The following MBD2 variants were observed in gnomAD, a reference collection of about 807,000 sequenced individuals.
MBD2 encodes methyl-CpG binding domain protein 2, also known as methyl-CpG-binding domain protein 2.
In MBD2, 9 loss-of-function variants were observed where a neutral mutation model predicts 39.3. The ratio of observed to expected loss-of-function variants is 0.23; its 90% CI spans 0.14 to 0.40. The LOEUF (loss-of-function observed/expected upper bound fraction) is 0.40. Among genes scored for constraint, MBD2 ranks in the 10% least tolerant of loss-of-function variants. The pLI is 1.00. For missense variants in MBD2, 458 were observed against 532.6 expected, an observed-to-expected ratio of 0.86 and a Z score of 1.38; for synonymous variants, 233 against 211.1, an observed-to-expected ratio of 1.10 and a Z score of -0.90.
intron 1 of MBD2, among the ~76,000 whole-genome samples, chr18:54,216,483 G>C (rs1465033074): frequency 6.6e-6 from 1 of 152,198 alleles, no homozygotes; most frequent in Admixed American, 6.5e-5. Flanking sequence ...ATTCAAAAAT[G>C]AATCAGACAC....
In MBD2 at chr18:54,224,119, C is replaced by T. The variant is rs1382195452; in HGVS notation, c.441G>A (p.Gly147=). ...GGAGGGCCGGGCAATCCATCCTCTTCCCGCTCTCCGTGGCCCGGGGTCCCC... is the reference window on the plus strand; with the variant it reads ...GGAGGGCCGGGCAATCCATCCTCTTTCCGCTCTCCGTGGCCCGGGGTCCCC... The part of the protein sequence containing the change: ...GPRGPRATES[G]KRMDCPALPP... The change falls in exon 1 of 7, where the codon GGG becomes GGA. Residue 147 remains glycine (G), a synonymous_variant. Coordinates refer to ENST00000256429, the MANE Select transcript of MBD2 (RefSeq NM_003927.5). 26 of 1,567,246 alleles carry T rather than the reference C, an allele frequency of 1.7e-5. No individual in the cohort carries two copies. The highest frequency in any genetic ancestry group is 2.2e-5 in the Non-Finnish European group (26 of 1,162,178).
chr18:54,204,956 C>A (rs1166296116), intron 2 of MBD2, 42 bp downstream of exon 2: 1 of 1,573,996 alleles, frequency 6.4e-7, no homozygotes, highest in East Asian at 2.3e-5. Context: ...TTTTGAAGAG[C>A]TTTCGAAGTA....
intron 1 of MBD2, chr18:54,222,414 A>C (rs922642578): frequency 7.9e-6 from 4 of 505,150 alleles, no homozygotes; most frequent in Non-Finnish European, 1.6e-5. Flanking sequence ...AAGTGCTCAC[A>C]ATAACTTTCT....
At chr18:54,197,067 T>C (rs2086372342) in intron 2 of MBD2, among the ~76,000 whole-genome samples, 2 of 152,350 alleles carry the variant, frequency 1.3e-5, no homozygotes, top group African/African-American at 2.4e-5. Context: ...ACGAGAAAAT[T>C]AGAAGCTCTT....
intron 5 of MBD2, among the ~76,000 whole-genome samples, chr18:54,161,079 T>C (rs1349626322): frequency 3.3e-5 from 5 of 152,260 alleles, no homozygotes; most frequent in East Asian, 3.9e-4. Flanking sequence ...CTATAGAAGA[T>C]TGCCCTAAGG....
chr18:54,182,401 G>T (rs2086257433), intron 3 of MBD2, among the ~76,000 whole-genome samples: 1 of 152,164 alleles, frequency 6.6e-6, no homozygotes, highest in African/African-American at 2.4e-5. Context: ...AGCCGCTGAA[G>T]GAGAGAAAGG....
intron 2 of MBD2, among the ~76,000 whole-genome samples, chr18:54,196,119 T>C (rs1319771264): frequency 6.6e-6 from 1 of 152,216 alleles, no homozygotes; most frequent in East Asian, 1.9e-4. Flanking sequence ...TGGTTTCTAG[T>C]ATATTCACTA....
chr18:54,202,250 G>C (rs2086414029), intron 2 of MBD2, among the ~76,000 whole-genome samples: 1 of 151,786 alleles, frequency 6.6e-6, no homozygotes, highest in African/African-American at 2.4e-5. Flanking sequence ...GGCTGAGGAA[G>C]AGACAATCGC....
chr18:54,224,182 C>G lies in MBD2; in HGVS notation c.378G>C (p.Pro126=), dbSNP rs759097721. The change falls in exon 1 of 7, where the codon CCG becomes CCC. Residue 126 remains proline, a synonymous_variant. Transcript: ENST00000256429. The stretch of plus-strand genomic sequence containing the variant: ...CCGCGCTCCCCGACGGGAAAGGGAC[C>G]GGCTCCCGCCGGGGGGCGCCGCCGC... ...SGGGGAPRRE[P]VPFPSGSAGP... 4 of 1,245,368 alleles carry G rather than the reference C, an allele frequency of 3.2e-6. No individual in the cohort carries two copies. Among genetic ancestry groups the G allele is most frequent in the South Asian group, 6.8e-5 (2 of 29,358 alleles). The allele number at this position is 1,245,368 out of a possible 1,614,324, so 77.1% of individuals were successfully genotyped here.
At chr18:54,222,827 G>C (rs1158440999) in intron 1 of MBD2, among the ~76,000 whole-genome samples, 1 of 152,236 alleles carries the variant, frequency 6.6e-6, no homozygotes, top group African/African-American at 2.4e-5. Flanking sequence ...ACATTCTTGT[G>C]TGTGCATATG....
intron 2 of MBD2, among the ~76,000 whole-genome samples, chr18:54,203,979 G>T (rs2086429270): frequency 1.3e-5 from 2 of 152,296 alleles, no homozygotes; most frequent in Middle Eastern, 3.4e-3. Flanking sequence ...AAGGCCCTTG[G>T]AGCCTAAGAA....
At chr18:54,182,750 T>G (rs754954439) in intron 3 of MBD2, among the ~76,000 whole-genome samples, 1 of 152,058 alleles carries the variant, frequency 6.6e-6, no homozygotes, top group African/African-American at 2.4e-5. Context: ...CTGGGCAACA[T>G]AGTGAAATCC....
intron 2 of MBD2, among the ~76,000 whole-genome samples, chr18:54,196,063 T>A (rs997043810): frequency 6.6e-6 from 1 of 152,212 alleles, no homozygotes; most frequent in African/African-American, 2.4e-5. Flanking sequence ...TTAATTAATA[T>A]AATTCACATA....
intron 1 of MBD2, among the ~76,000 whole-genome samples, chr18:54,219,678 T>TTTTG (rs779993481): frequency 6.6e-6 from 1 of 152,204 alleles, no homozygotes; most frequent in South Asian, 2.1e-4. Context: ...TCCATTTATT[T>TTTTG]TTTGTTTGTT....
At position 54,151,896 on chromosome 18, in the gene MBD2, C is replaced by CTTCTAA. The variant is rs576278616; in HGVS notation, c.*3422_*3427dup. 22 of 150,844 alleles carry CTTCTAA rather than the reference C, an allele frequency of 1.5e-4. No homozygotes were observed. Among genetic ancestry groups the CTTCTAA allele is most frequent in the Non-Finnish European group, 2.9e-4 (20 of 67,862 alleles). 9.3% of individuals were successfully genotyped at this position (150,844 alleles called of 1,614,324 possible). On this transcript the variant is annotated 3_prime_UTR_variant, in exon 7 of 7. Transcript: ENST00000256429. ...TTTCTTTCCTTTATAATACATACAG[C>CTTCTAA]TTCTAACACTTTTCCAACTGCATGA...
intron 1 of MBD2, among the ~76,000 whole-genome samples, chr18:54,221,297 AG>A (rs2086609551): frequency 6.6e-6 from 1 of 151,802 alleles, no homozygotes; most frequent in Admixed American, 6.6e-5. Flanking sequence ...CTCTACTAAA[AG>A]ATACAAAAAA....
intron 6 of MBD2, among the ~76,000 whole-genome samples, chr18:54,157,944 T>C (rs565433518): frequency 6.6e-6 from 1 of 152,312 alleles, no homozygotes; most frequent in South Asian, 2.1e-4. Flanking sequence ...AACATCCTCC[T>C]AAAGCCACCA....
chr18:54,223,180 G>C (rs1480097955), intron 1 of MBD2, among the ~76,000 whole-genome samples: 1 of 152,112 alleles, frequency 6.6e-6, no homozygotes, highest in Non-Finnish European at 1.5e-5. Context: ...GAGCTTACTG[G>C]GTCACACAAA....
chr18:54,198,420 G>A (rs2086381807), intron 2 of MBD2, among the ~76,000 whole-genome samples: 2 of 152,164 alleles, frequency 1.3e-5, no homozygotes, highest in Non-Finnish European at 2.9e-5. Flanking sequence ...AGCTCTTGGA[G>A]AAATGTACAC....
Sources: allele counts gnomAD v4.1 joint callset (sites outside exome capture counted in the v4.1 genomes callset), GRCh38; gene constraint gnomAD v4.1.1; transcripts MANE v1.5; gene names NCBI Gene and HGNC (gene_info 2026-07-23, HGNC 2026-07-21).